Variants in ALG5 observed in about 807,000 individuals in gnomAD.
ALG5 encodes dolichyl-phosphate beta-glucosyltransferase.
In ALG5, 26 loss-of-function variants were observed where a neutral mutation model predicts 51.8. That is an observed-to-expected ratio of 0.50 (90% confidence interval 0.37 to 0.70). The LOEUF is 0.70. Among genes scored for constraint, ALG5 ranks in the 30% least tolerant of loss-of-function variants. The pLI, the probability that ALG5 is intolerant of heterozygous loss-of-function variation, is 0.00. For missense variants in ALG5, 311 were observed against 399.3 expected (o/e 0.78, Z 1.88); for synonymous variants, 141 against 136.1 (o/e 1.04, Z -0.25).
intron 8 of ALG5, among the ~76,000 whole-genome samples, chr13:36,956,475 G>A (rs2058840156): frequency 1.3e-5 from 2 of 152,152 alleles, no homozygotes; most frequent in African/African-American, 4.8e-5. Flanking sequence ...TCTCACTTTT[G>A]AGTATTTATC....
In ALG5 at chr13:36,995,554, G is replaced by C; in HGVS notation, c.109C>G (p.Leu37Val). The C allele has an allele frequency of 6.2e-7, 1 of 1,605,768 alleles. No homozygotes were observed. Among genetic ancestry groups the C allele is most frequent in the South Asian group, 1.1e-5 (1 of 88,304 alleles). ...AATTTCTCTTCTTCATGTCGATGGA[G>C]TGCTGGCATTTTTGTAGCAGTTGTA... ...AFTTATKMPA[L>V]HRHEEEKFFL... Residue 37 changes from leucine (L) to valine (V), a missense_variant, in exon 2 of 10, where the codon CTC becomes GTC. Transcript: ENST00000239891.
chr13:36,992,815 C>T (rs187622714), intron 4 of ALG5, among the ~76,000 whole-genome samples: 22 of 152,290 alleles, frequency 1.4e-4, no homozygotes, highest in Admixed American at 7.8e-4. Flanking sequence ...CTTAACTTAG[C>T]GAAAACTGGT....
intron 6 of ALG5, among the ~76,000 whole-genome samples, chr13:36,984,839 T>G (rs2058995083): frequency 1.3e-5 from 2 of 152,106 alleles, no homozygotes; most frequent in South Asian, 4.1e-4. Context: ...TCGAGTGTCT[T>G]GAACAAGGTA....
chr13:36,994,041 C>G (rs2059037629), intron 3 of ALG5, among the ~76,000 whole-genome samples: 1 of 152,168 alleles, frequency 6.6e-6, no homozygotes, highest in Admixed American at 6.5e-5. Flanking sequence ...TCCAGCTTGG[C>G]TGCAGCATTT....
chr13:36,964,497 G>A (rs2058883205), intron 8 of ALG5, among the ~76,000 whole-genome samples: 1 of 152,114 alleles, frequency 6.6e-6, no homozygotes, highest in Non-Finnish European at 1.5e-5. Flanking sequence ...CAGGGTTTCA[G>A]CTTCTGTACA....
chr13:36,951,259 CAA>C (rs768454963), intron 9 of ALG5, among the ~76,000 whole-genome samples: 5 of 152,220 alleles, frequency 3.3e-5, no homozygotes, highest in Non-Finnish European at 7.3e-5. Context: ...CACAAATCAA[CAA>C]AGTTGATCAT....
chr13:36,970,178 T>G (rs1440597532), intron 7 of ALG5, among the ~76,000 whole-genome samples: 2 of 152,082 alleles, frequency 1.3e-5, no homozygotes, highest in Admixed American at 1.3e-4. Flanking sequence ...GCAGGATTAA[T>G]TCTAAGCTCT....
At position 36,995,649 on chromosome 13, in the gene ALG5, T is replaced by G; in HGVS notation, c.67-53A>C. On this transcript the variant is annotated intron_variant, in intron 1 of 9. Transcript: ENST00000239891. ...AAAACAGAAATTATGTTTTGCTGAC[T>G]TTTCTGTATTTATGTTAGAATACAT... 4.0e-6 allele frequency: 6 copies of G among 1,510,628 alleles called. No individual in the cohort carries two copies. The South Asian group carries it at 7.3e-5, about 18-fold the overall frequency. 93.6% of individuals were successfully genotyped at this position (1,510,628 alleles called of 1,614,324 possible). A position where few individuals can be genotyped will look rare whatever the true frequency, so the allele number is the denominator to read the frequency against.
At chr13:36,984,316 G>A (rs1484216460) in intron 6 of ALG5, among the ~76,000 whole-genome samples, 1 of 151,866 alleles carries the variant, frequency 6.6e-6, no homozygotes, top group Admixed American at 6.6e-5. Flanking sequence ...GCCCAGGCTG[G>A]GCTCAAACTC....
At chr13:36,961,850 C>T (rs541830225) in intron 8 of ALG5, among the ~76,000 whole-genome samples, 42 of 152,160 alleles carry the variant, frequency 2.8e-4, no homozygotes, top group African/African-American at 9.6e-4. Context: ...GGCGTGATCT[C>T]GGCTCACTGC....
intron 2 of ALG5, 119 bp downstream of exon 2, chr13:36,995,306 G>C (rs1233590865): frequency 1.0e-5 from 11 of 1,075,894 alleles, no homozygotes; most frequent in Non-Finnish European, 1.5e-5. Context: ...ATTATCAACT[G>C]TGTGCTCAAC....
At chr13:36,995,717 G>T in intron 1 of ALG5, 121 bp from the exon 2 acceptor site, 1 of 960,474 alleles carries the variant, frequency 1.0e-6, no homozygotes, top group Non-Finnish European at 1.5e-6. Context: ...TCAGGTTTTA[G>T]TTCATTAACA....
intron 6 of ALG5, among the ~76,000 whole-genome samples, chr13:36,983,357 C>T (rs1012723723): frequency 6.6e-6 from 1 of 152,148 alleles, no homozygotes; most frequent in Non-Finnish European, 1.5e-5. Flanking sequence ...AGATGTTGGA[C>T]ATGAAATACT....
Position 36,966,736 on chromosome 13 carries a change from C to T in ALG5, c.622-1010G>A, listed in dbSNP as rs151285737. ...AAGGCAATAGACTCAAGTAATGATG[C>T]GTTACTTACATACATAAGCAACCTA... On this transcript the variant is annotated intron_variant, in intron 7 of 9. Coordinates refer to ENST00000239891, the MANE Select transcript of ALG5 (RefSeq NM_013338.5). 4.8e-3 allele frequency among the ~76,000 whole-genome samples: 724 copies of T among 152,264 alleles called. 3 individuals carry two copies. Among genetic ancestry groups the T allele is most frequent in the Non-Finnish European group, 7.5e-3 (508 of 68,028 alleles).
chr13:36,969,731 C>G (rs111675216), intron 7 of ALG5, among the ~76,000 whole-genome samples: 20 of 151,938 alleles, frequency 1.3e-4, no homozygotes, highest in African/African-American at 4.8e-4. Flanking sequence ...GATGAGGTTT[C>G]ACCATGTTGG....
In ALG5 at chr13:36,956,445, A is replaced by G. The variant is rs1593657647; in HGVS notation, c.774-3846T>C. ...GGTCCCTCAAAAAACTAAAAACAGA[A>G]TTACCATATGGTCCAGAAATCTCAC... On this transcript the variant is annotated intron_variant, in intron 8 of 9. Coordinates refer to ENST00000239891, the MANE Select transcript of ALG5 (RefSeq NM_013338.5). 2.0e-5 allele frequency among the ~76,000 whole-genome samples: 3 copies of G among 152,178 alleles called. No homozygotes were observed. In the South Asian group the frequency reaches 6.2e-4, roughly 31 times the overall value.
intron 6 of ALG5, among the ~76,000 whole-genome samples, chr13:36,976,827 G>A (rs2058954244): frequency 6.6e-6 from 1 of 152,118 alleles, no homozygotes; most frequent in Non-Finnish European, 1.5e-5. Flanking sequence ...TTCTGGTAGA[G>A]GTACTTTGTG....
intron 6 of ALG5, among the ~76,000 whole-genome samples, chr13:36,974,384 T>C (rs2058940302): frequency 2.0e-5 from 3 of 152,154 alleles, no homozygotes; most frequent in Non-Finnish European, 4.4e-5. Context: ...TTTGCAAGTA[T>C]ATAAATTTAC....
At chr13:36,965,520 C>G (rs1398099814) in intron 8 of ALG5, 55 bp downstream of exon 8, 1 of 1,533,142 alleles carries the variant, frequency 6.5e-7, no homozygotes, top group Non-Finnish European at 8.9e-7. Flanking sequence ...TTCTCATTAC[C>G]TAGAAGATGG....
Sources: allele counts gnomAD v4.1 joint callset (sites outside exome capture counted in the v4.1 genomes callset), GRCh38; gene constraint gnomAD v4.1.1; transcripts MANE v1.5; gene names NCBI Gene and HGNC (gene_info 2026-07-23, HGNC 2026-07-21).